The following ROR1 variants were observed in gnomAD, a reference collection of about 807,000 sequenced individuals.
ROR1 encodes inactive tyrosine-protein kinase transmembrane receptor ROR1.
A neutral mutation model predicts 78.8 loss-of-function variants in ROR1; 19 were observed. The ratio of observed to expected loss-of-function variants is 0.24; its 90% CI spans 0.17 to 0.35. The LOEUF is 0.35. Ranked by LOEUF, ROR1 falls within the 10% of genes least tolerant of loss-of-function variation. The probability of loss-of-function intolerance (pLI) is 1.00; values close to 1 mark genes in which losing one functional copy is unlikely to be tolerated. For missense variants in ROR1, 917 were observed against 1,177.8 expected, an observed-to-expected ratio of 0.78 and a Z score of 3.24; for synonymous variants, 386 against 433.6, an observed-to-expected ratio of 0.89 and a Z score of 1.36.
At chr1:64,110,063 C>A (rs1421544152) in intron 4 of ROR1, among the ~76,000 whole-genome samples, 1 of 152,178 alleles carries the variant, frequency 6.6e-6, no homozygotes. Context: ...TTGTCCATAT[C>A]ACATAGCACT....
intron 1 of ROR1, among the ~76,000 whole-genome samples, chr1:63,964,497 T>C (rs920947530): frequency 6.6e-6 from 1 of 152,226 alleles, no homozygotes; most frequent in Non-Finnish European, 1.5e-5. Flanking sequence ...ACAAATCTTA[T>C]TGTATGTCTA....
chr1:63,898,096 T>C (rs1645454929), intron 1 of ROR1, among the ~76,000 whole-genome samples: 1 of 152,234 alleles, frequency 6.6e-6, no homozygotes. Flanking sequence ...CTTGCTGGTC[T>C]CATCCCAGCA....
intron 2 of ROR1, among the ~76,000 whole-genome samples, chr1:64,022,883 T>C (rs1398637175): frequency 2.6e-5 from 4 of 152,236 alleles, no homozygotes; most frequent in African/African-American, 9.6e-5. Context: ...TCTGTTGATG[T>C]TGACATTGCT....
intron 1 of ROR1, among the ~76,000 whole-genome samples, chr1:63,940,068 T>C (rs1252174005): frequency 1.3e-5 from 2 of 151,634 alleles, no homozygotes; most frequent in Non-Finnish European, 2.9e-5. Context: ...TTAGGAAGAG[T>C]TGGATGATGA....
chr1:63,831,681 G>A (rs561155738), intron 1 of ROR1, among the ~76,000 whole-genome samples: 1 of 152,300 alleles, frequency 6.6e-6, no homozygotes, highest in South Asian at 2.1e-4. Context: ...GAATTGCCCT[G>A]GAGACATTTT....
At chr1:63,942,183 A>G (rs1645846278) in intron 1 of ROR1, among the ~76,000 whole-genome samples, 2 of 152,020 alleles carry the variant, frequency 1.3e-5, no homozygotes, top group African/African-American at 4.8e-5. Flanking sequence ...CTCTGCAACT[A>G]AAAGGACCTG....
At chr1:63,782,483 A>G (rs775898885) in intron 1 of ROR1, among the ~76,000 whole-genome samples, 1 of 151,464 alleles carries the variant, frequency 6.6e-6, no homozygotes, top group Non-Finnish European at 1.5e-5. Flanking sequence ...TGGAAGCCAC[A>G]CTTGTTTAGG....
At chr1:64,176,291 C>T (rs1021074835) in intron 8 of ROR1, among the ~76,000 whole-genome samples, 2 of 152,106 alleles carry the variant, frequency 1.3e-5, no homozygotes, top group African/African-American at 4.8e-5. Context: ...GGACAAAATA[C>T]ATGCATAAAA....
chr1:63,867,292 CA>C (rs1234225759), intron 1 of ROR1, among the ~76,000 whole-genome samples: 1 of 152,156 alleles, frequency 6.6e-6, no homozygotes, highest in Non-Finnish European at 1.5e-5. Context: ...GGTGGTTTCA[CA>C]AAACAAAGCG....
chr1:64,093,094 G>A (rs1321624983), intron 4 of ROR1, among the ~76,000 whole-genome samples: 1 of 152,156 alleles, frequency 6.6e-6, no homozygotes, highest in Non-Finnish European at 1.5e-5. Flanking sequence ...ACGCCGGGTT[G>A]TTCATCCACT....
chr1:64,137,586 T>G, intron 5 of ROR1, 90 bp downstream of exon 5: 1 of 1,321,924 alleles, frequency 7.6e-7, no homozygotes, highest in Non-Finnish European at 1.1e-6. Context: ...GACAAAGGAT[T>G]AAGCTCAGCA....
chr1:63,833,588 A>G (rs1055612331), intron 1 of ROR1, among the ~76,000 whole-genome samples: 46 of 152,144 alleles, frequency 3.0e-4, no homozygotes, highest in African/African-American at 1.1e-3. Flanking sequence ...CCAAGCTCTG[A>G]TTGGCTGCTC....
intron 1 of ROR1, among the ~76,000 whole-genome samples, chr1:63,868,153 GT>G (rs1253695127): frequency 1.3e-5 from 2 of 151,874 alleles, no homozygotes; most frequent in African/African-American, 2.4e-5. Context: ...TTGTTGTTTT[GT>G]TTTTTTGTTT....
At chr1:64,027,163 A>T (rs1646618772) in intron 2 of ROR1, among the ~76,000 whole-genome samples, 1 of 152,078 alleles carries the variant, frequency 6.6e-6, no homozygotes, top group South Asian at 2.1e-4. Flanking sequence ...ATTACAGGAG[A>T]TCATGCAGAG....
At chr1:64,088,686 G>A (rs1039472927) in intron 4 of ROR1, among the ~76,000 whole-genome samples, 2 of 152,126 alleles carry the variant, frequency 1.3e-5, no homozygotes, top group Admixed American at 6.6e-5. Flanking sequence ...AGTGTCCTGA[G>A]TGACATAAAT....
chr1:64,074,037 T>C (rs1212369695), intron 4 of ROR1, among the ~76,000 whole-genome samples: 1 of 152,208 alleles, frequency 6.6e-6, no homozygotes, highest in East Asian at 1.9e-4. Context: ...AGGAATTTAA[T>C]TCAATAAGGT....
chr1:63,848,033 G>A (rs1198035599), intron 1 of ROR1, among the ~76,000 whole-genome samples: 2 of 152,132 alleles, frequency 1.3e-5, no homozygotes, highest in Non-Finnish European at 2.9e-5. Context: ...AACAATAAAG[G>A]CCAAATCGAA....
intron 1 of ROR1, among the ~76,000 whole-genome samples, chr1:63,791,106 G>T (rs1557498242): frequency 6.6e-6 from 1 of 152,222 alleles, no homozygotes; most frequent in Non-Finnish European, 1.5e-5. Flanking sequence ...TATGAGTCAG[G>T]AGTGGTCCTT....
At chr1:64,023,503 C>T (rs779440626) in intron 2 of ROR1, among the ~76,000 whole-genome samples, 5 of 151,982 alleles carry the variant, frequency 3.3e-5, no homozygotes, top group Non-Finnish European at 7.4e-5. Flanking sequence ...TGTTTATTGC[C>T]CTTATCCTTA....
Sources: allele counts gnomAD v4.1 joint callset (sites outside exome capture counted in the v4.1 genomes callset), GRCh38; gene constraint gnomAD v4.1.1; transcripts MANE v1.5; gene names NCBI Gene and HGNC (gene_info 2026-07-23, HGNC 2026-07-21).